The following SORCS2 variants were observed in gnomAD, a reference collection of about 807,000 sequenced individuals.
SORCS2 encodes the protein VPS10 domain-containing receptor SorCS2.
Under a neutral mutation model 141.6 loss-of-function variants are expected in SORCS2, and 100 were observed. The observed-to-expected ratio is 0.71, with a 90% CI of 0.60 to 0.83. The LOEUF (loss-of-function observed/expected upper bound fraction) is 0.83. SORCS2 is among the 40% of genes least tolerant of loss of function. SORCS2 has a pLI of 0.00. For synonymous variants in SORCS2, 789 were observed against 676.9 expected (o/e 1.17, Z -2.57); for missense variants, 1,646 against 1,560.2 (o/e 1.05, Z -0.93).
intron 3 of SORCS2, among the ~76,000 whole-genome samples, chr4:7,604,669 A>T (rs1047797693): frequency 6.6e-6 from 1 of 152,234 alleles, no homozygotes; most frequent in African/African-American, 2.4e-5. Context: ...CGCCTTGTGA[A>T]GAAGGTGCCT....
intron 10 of SORCS2, among the ~76,000 whole-genome samples, chr4:7,687,287 A>G (rs554944366): frequency 6.6e-6 from 1 of 152,218 alleles, no homozygotes; most frequent in South Asian, 2.1e-4. Context: ...AACCCTGCCT[A>G]CCAAGATCAC....
At position 7,543,644 on chromosome 4, in the gene SORCS2, C is replaced by G. The variant is rs558851976; in HGVS notation, c.648+12015C>G. ...CCCATCCATCCACCCATCCGTCCAT[C>G]CGTCCATCCATCCACCCACCCATCC... On this transcript the variant is annotated intron_variant, in intron 3 of 26. Transcript: ENST00000507866. Among the ~76,000 whole-genome samples, 25 of 148,222 alleles carry G rather than the reference C, an allele frequency of 1.7e-4. No individual in the cohort carries two copies. In the South Asian group the frequency reaches 2.8e-3, roughly 17 times the overall value.
intron 1 of SORCS2, among the ~76,000 whole-genome samples, chr4:7,291,221 C>G (rs139799593): frequency 2.0e-5 from 3 of 152,114 alleles, no homozygotes; most frequent in Non-Finnish European, 4.4e-5. Flanking sequence ...GGCCACATAG[C>G]AGGTGAGAGG....
At position 7,742,734 on chromosome 4, in the gene SORCS2, CAA is replaced by C. The variant is rs1712765162; in HGVS notation, c.*2472_*2473del. 1 of 152,522 alleles carries C rather than the reference CAA, an allele frequency of 6.6e-6. No individual in the cohort carries two copies. Among genetic ancestry groups the C allele is most frequent in the Admixed American group, 6.5e-5 (1 of 15,310 alleles). The allele number at this position is 152,522 out of a possible 1,614,324, so 9.4% of individuals were successfully genotyped here. A position where few individuals can be genotyped will look rare whatever the true frequency, so the allele number is the denominator to read the frequency against. On this transcript the variant is annotated 3_prime_UTR_variant, in exon 27 of 27. Transcript: ENST00000507866. ...AGGCCATCAGCTGCCATGCACATAACAAAGAGACAATGCATTCCTTCTTATTT... is the reference window on the plus strand; with the variant it reads ...AGGCCATCAGCTGCCATGCACATAACAGAGACAATGCATTCCTTCTTATTT...
intron 3 of SORCS2, among the ~76,000 whole-genome samples, chr4:7,541,812 G>C (rs972631430): frequency 6.6e-6 from 1 of 152,226 alleles, no homozygotes; most frequent in Non-Finnish European, 1.5e-5. Flanking sequence ...GTGTGGACAT[G>C]ATGGTGCAGC....
At chr4:7,659,712 C>T (rs1407659997) in intron 5 of SORCS2, among the ~76,000 whole-genome samples, 1 of 152,180 alleles carries the variant, frequency 6.6e-6, no homozygotes, top group African/African-American at 2.4e-5. Context: ...CAGCCAGCCC[C>T]ATGCAGGTGG....
At chr4:7,519,601 C>T (rs952972442) in intron 2 of SORCS2, among the ~76,000 whole-genome samples, 1 of 152,266 alleles carries the variant, frequency 6.6e-6, no homozygotes, top group Admixed American at 6.5e-5. Context: ...AGCGCTGCTG[C>T]CTGTGCCTGT....
rs1726917672 is a variant in SORCS2 at position 7,192,728 on chromosome 4, C to T, written c.82C>T (p.Pro28Ser). The stretch of plus-strand genomic sequence containing the variant: ...CCCGAGCCCCGGGGCTCCGCCGCCG[C>T]CGCGCTCGCCGCGCTCGCGGCCGCT... ...RAPSPGAPPPPRSPRSRPLLL... is the reference protein window; with the variant it reads ...RAPSPGAPPPSRSPRSRPLLL... Residue 28 changes from proline (P) to serine (S), a missense_variant, in exon 1 of 27, where the codon CCG becomes TCG. By Grantham distance (74) the Pro-to-Ser change is moderately conservative. Coordinates refer to ENST00000507866, the MANE Select transcript of SORCS2 (RefSeq NM_020777.3). The surrounding 1 kb of genome is among the most constrained non-coding windows in gnomAD (Gnocchi z 4.0). 3.0e-6 allele frequency: 3 copies of T among 990,958 alleles called. No homozygotes were observed. The highest frequency in any genetic ancestry group is 3.6e-6 in the Non-Finnish European group (3 of 835,310). 61.4% of individuals were successfully genotyped at this position (990,958 alleles called of 1,614,324 possible).
intron 3 of SORCS2, among the ~76,000 whole-genome samples, chr4:7,622,169 A>G (rs1164282723): frequency 6.6e-6 from 1 of 152,044 alleles, no homozygotes. Flanking sequence ...CCCCTCACCC[A>G]GCCCCTACTC....
intron 3 of SORCS2, among the ~76,000 whole-genome samples, chr4:7,539,202 C>T (rs1183599046): frequency 6.6e-6 from 1 of 152,194 alleles, no homozygotes; most frequent in Non-Finnish European, 1.5e-5. Flanking sequence ...GTGCTTTGGG[C>T]ACAGGGCCCT....
At chr4:7,513,070 G>T (rs1298262250) in intron 2 of SORCS2, among the ~76,000 whole-genome samples, 2 of 150,692 alleles carry the variant, frequency 1.3e-5, no homozygotes, top group Admixed American at 1.3e-4. Context: ...GGAGAGGGTC[G>T]CAGCCTGAAG....
At chr4:7,249,920 G>T (rs1324676291) in intron 1 of SORCS2, among the ~76,000 whole-genome samples, 1 of 152,214 alleles carries the variant, frequency 6.6e-6, no homozygotes, top group African/African-American at 2.4e-5. Flanking sequence ...GCCCTCAGCA[G>T]GCTGAGGCAG....
At chr4:7,367,327 A>C (rs1721958176) in intron 1 of SORCS2, among the ~76,000 whole-genome samples, 1 of 152,226 alleles carries the variant, frequency 6.6e-6, no homozygotes, top group Non-Finnish European at 1.5e-5. Context: ...AGAGTGGGGA[A>C]GCACAGGCCA....
At chr4:7,316,272 A>G (rs1158760588) in intron 1 of SORCS2, among the ~76,000 whole-genome samples, 1 of 151,910 alleles carries the variant, frequency 6.6e-6, no homozygotes, top group Non-Finnish European at 1.5e-5. Context: ...TCGTGCATCC[A>G]TCCTTCCATT....
intron 3 of SORCS2, among the ~76,000 whole-genome samples, chr4:7,575,123 G>A (rs937947737): frequency 5.9e-5 from 9 of 152,154 alleles, no homozygotes; most frequent in African/African-American, 1.4e-4. Flanking sequence ...TGCCATAACC[G>A]GCATCCCTAG....
intron 1 of SORCS2, among the ~76,000 whole-genome samples, chr4:7,265,348 G>T (rs1714654594): frequency 6.6e-6 from 1 of 152,140 alleles, no homozygotes; most frequent in Non-Finnish European, 1.5e-5. Flanking sequence ...AAAATTAGCT[G>T]GGCATGCTGG....
intron 9 of SORCS2, among the ~76,000 whole-genome samples, chr4:7,679,675 C>A (rs1295852419): frequency 1.3e-5 from 2 of 151,680 alleles, no homozygotes; most frequent in African/African-American, 2.4e-5. Context: ...CGCAGCCCTG[C>A]CCACGCCTTG....
At chr4:7,584,542 G>A (rs1429367357) in intron 3 of SORCS2, among the ~76,000 whole-genome samples, 2 of 152,176 alleles carry the variant, frequency 1.3e-5, no homozygotes, top group African/African-American at 2.4e-5. Flanking sequence ...ACCCAAGGTC[G>A]CACCATGACA....
chr4:7,464,991 C>G (rs1729532650), intron 2 of SORCS2, among the ~76,000 whole-genome samples: 1 of 152,252 alleles, frequency 6.6e-6, no homozygotes, highest in African/African-American at 2.4e-5. Context: ...GACCTTTGCC[C>G]TAAGTGCTGG....
Sources: gnomAD v4.1 joint callset for allele counts (sites outside exome capture counted in the v4.1 genomes callset) on GRCh38, gnomAD v4.1.1 for gene constraint, Gnocchi (gnomAD v3.1) non-coding constraint, MANE v1.5 for transcripts, NCBI Gene and HGNC (gene_info 2026-07-23, HGNC 2026-07-21) for gene names.